KCNH8: variants seen among roughly 807,000 people sequenced by gnomAD.
KCNH8 encodes voltage-gated delayed rectifier potassium channel KCNH8.
In KCNH8, 70 loss-of-function variants were observed where a neutral mutation model predicts 103.6. The ratio of observed to expected loss-of-function variants is 0.68; its 90% CI spans 0.56 to 0.82. The LOEUF (loss-of-function observed/expected upper bound fraction) is 0.82, where lower values mean the gene tolerates loss of function less well. Ranked by LOEUF, KCNH8 falls within the 40% of genes least tolerant of loss-of-function variation. The pLI is 0.00. For synonymous variants in KCNH8, 498 were observed against 489.4 expected (o/e 1.02, Z -0.23); for missense variants, 1,217 against 1,329.9 (o/e 0.92, Z 1.32).
chr3:19,490,651 T>C (rs2068300306), intron 11 of KCNH8, among the ~76,000 whole-genome samples: 1 of 152,160 alleles, frequency 6.6e-6, no homozygotes, highest in African/African-American at 2.4e-5. Flanking sequence ...TTTTCTTTCT[T>C]TGGAGGCAGA....
chr3:19,381,201 T>C (rs1574994286), intron 5 of KCNH8, among the ~76,000 whole-genome samples: 1 of 152,164 alleles, frequency 6.6e-6, no homozygotes, highest in South Asian at 2.1e-4. Context: ...AAATAAGCCA[T>C]TGGAACAAAA....
chr3:19,358,324 C>G (rs560218171), intron 5 of KCNH8, among the ~76,000 whole-genome samples: 1 of 144,276 alleles, frequency 6.9e-6, no homozygotes, highest in African/African-American at 2.6e-5. Flanking sequence ...TTTTCTTTCT[C>G]TTTTTTCTTT....
chr3:19,257,099 G>A (rs1209343648), intron 2 of KCNH8, among the ~76,000 whole-genome samples: 1 of 151,952 alleles, frequency 6.6e-6, no homozygotes, highest in East Asian at 1.9e-4. Context: ...TTAAAAATAT[G>A]TCTGGATTTC....
chr3:19,163,892 G>A (rs1028691258), intron 1 of KCNH8, among the ~76,000 whole-genome samples: 5 of 151,790 alleles, frequency 3.3e-5, no homozygotes. Flanking sequence ...CTTTTCTCTA[G>A]CTTAATTTAT....
intron 11 of KCNH8, among the ~76,000 whole-genome samples, chr3:19,495,150 G>T (rs909752962): frequency 1.3e-5 from 2 of 152,118 alleles, no homozygotes; most frequent in Non-Finnish European, 2.9e-5. Context: ...TCCGTAGGTT[G>T]TCTTTTCACT....
intron 7 of KCNH8, among the ~76,000 whole-genome samples, chr3:19,436,502 C>T (rs2067201757): frequency 6.6e-6 from 1 of 152,184 alleles, no homozygotes; most frequent in Non-Finnish European, 1.5e-5. Flanking sequence ...ATAGCCAATC[C>T]TCGGATTTGT....
intron 3 of KCNH8, among the ~76,000 whole-genome samples, chr3:19,291,534 T>G (rs2064925680): frequency 6.6e-6 from 1 of 152,226 alleles, no homozygotes; most frequent in South Asian, 2.1e-4. Context: ...GTTGTTCAGT[T>G]TCCATGTAGT....
chr3:19,163,300 A>G (rs2063251625), intron 1 of KCNH8, among the ~76,000 whole-genome samples: 1 of 150,232 alleles, frequency 6.7e-6, no homozygotes, highest in Non-Finnish European at 1.5e-5. Context: ...ATATATATAA[A>G]ACAAATAATT....
chr3:19,376,482 A>T (rs2066207195), intron 5 of KCNH8, among the ~76,000 whole-genome samples: 1 of 151,826 alleles, frequency 6.6e-6, no homozygotes, highest in Non-Finnish European at 1.5e-5. Context: ...GCACCCACTG[A>T]CCTGTGCCCA....
chr3:19,372,468 C>T (rs2066115606), intron 5 of KCNH8, among the ~76,000 whole-genome samples: 1 of 151,288 alleles, frequency 6.6e-6, no homozygotes, highest in South Asian at 2.1e-4. Flanking sequence ...ATTTTGTATC[C>T]TGAGACTTTG....
chr3:19,312,878 T>C (rs192943987), intron 3 of KCNH8, among the ~76,000 whole-genome samples: 1 of 152,044 alleles, frequency 6.6e-6, no homozygotes, highest in East Asian at 1.9e-4. Context: ...TGGAATAAAT[T>C]TGAGAGTACC....
chr3:19,222,014 CT>C (rs961295784), intron 1 of KCNH8, among the ~76,000 whole-genome samples: 1 of 151,850 alleles, frequency 6.6e-6, no homozygotes, highest in Admixed American at 6.6e-5. Flanking sequence ...CACCAGGCTA[CT>C]TTTTTTTGTA....
intron 1 of KCNH8, 28 bp downstream of exon 1, chr3:19,148,823 TG>T: frequency 6.3e-7 from 1 of 1,590,460 alleles, no homozygotes; most frequent in Non-Finnish European, 8.6e-7. Flanking sequence ...ACGAGTGGTA[TG>T]GCATTTTCTG....
intron 5 of KCNH8, among the ~76,000 whole-genome samples, chr3:19,354,662 A>G (rs1360580224): frequency 2.6e-5 from 4 of 152,222 alleles, no homozygotes. Context: ...TGGTGCTGAG[A>G]AAACTGGCTA....
chr3:19,379,748 C>T (rs1467558481), intron 5 of KCNH8, among the ~76,000 whole-genome samples: 2 of 152,160 alleles, frequency 1.3e-5, no homozygotes, highest in Non-Finnish European at 2.9e-5. Context: ...TTGCATTACT[C>T]AATTTTTGGA....
At chr3:19,213,630 G>T (rs557568202) in intron 1 of KCNH8, among the ~76,000 whole-genome samples, 1 of 152,090 alleles carries the variant, frequency 6.6e-6, no homozygotes, top group Non-Finnish European at 1.5e-5. Context: ...GTCTTTACTG[G>T]CCTGGGGTAC....
chr3:19,366,197 A>C (rs1192842601), intron 5 of KCNH8, among the ~76,000 whole-genome samples: 4 of 151,986 alleles, frequency 2.6e-5, no homozygotes, highest in Admixed American at 6.6e-5. Context: ...AAGTCGCTTA[A>C]TTTGATGGAG....
intron 11 of KCNH8, among the ~76,000 whole-genome samples, chr3:19,506,906 C>A (rs2068703627): frequency 6.6e-6 from 1 of 152,096 alleles, no homozygotes; most frequent in Non-Finnish European, 1.5e-5. Context: ...TTCCTTAGGG[C>A]AACTGCAGCT....
At chr3:19,489,209 G>C (rs571243805) in intron 11 of KCNH8, among the ~76,000 whole-genome samples, 34 of 152,198 alleles carry the variant, frequency 2.2e-4, no homozygotes, top group Admixed American at 8.5e-4. Flanking sequence ...GTGGGTTCTG[G>C]AGTGGGGAGC....
Sources: allele counts gnomAD v4.1 joint callset (sites outside exome capture counted in the v4.1 genomes callset), GRCh38; gene constraint gnomAD v4.1.1; transcripts MANE v1.5; gene names NCBI Gene and HGNC (gene_info 2026-07-23, HGNC 2026-07-21).